Variants in NCKAP5 observed in about 807,000 individuals in gnomAD.
The protein encoded by NCKAP5 is nck-associated protein 5.
NCKAP5 carries 92 observed loss-of-function variants against 167.0 expected under a neutral mutation model. That is an observed-to-expected ratio of 0.55 (90% CI 0.47 to 0.66). NCKAP5 has a LOEUF of 0.66. Among genes scored for constraint, NCKAP5 ranks in the 30% least tolerant of loss-of-function variants. NCKAP5 has a pLI of 0.00. For missense variants in NCKAP5, 2,378 were observed against 2,315.0 expected (o/e 1.03, Z -0.56); for synonymous variants, 891 against 877.4 (o/e 1.02, Z -0.27).
rs527804891 is a variant in NCKAP5, at chr2:133,007,863, G to C, written c.342-13624C>G. Among the ~76,000 whole-genome samples the C allele has an allele frequency of 1.3e-4, 20 of 152,276 alleles. No individual in the cohort carries two copies. The South Asian group carries it at 3.9e-3, about 30-fold the overall frequency. The stretch of plus-strand genomic sequence containing the variant: ...AAAGATAAACTGGAGAATGTAGTAT[G>C]GATTTTCACTGCCTCATTCAACAGC... On this transcript the variant is annotated intron_variant, in intron 6 of 19. Transcript: ENST00000409261.
At chr2:132,793,515 T>C (rs1200843126) in intron 12 of NCKAP5, among the ~76,000 whole-genome samples, 3 of 152,220 alleles carry the variant, frequency 2.0e-5, no homozygotes, top group African/African-American at 7.2e-5. Context: ...CTGAGATGTA[T>C]GTAGTATTTT....
At chr2:133,216,091 T>C (rs555696810) in intron 4 of NCKAP5, among the ~76,000 whole-genome samples, 38 of 152,126 alleles carry the variant, frequency 2.5e-4, no homozygotes, top group African/African-American at 8.4e-4. Context: ...CTAAGAAGGA[T>C]TAAAGGAGAC....
rs1264185155 is a variant in NCKAP5 at position 132,673,185 on chromosome 2, A to C, written c.*104T>G. On this transcript the variant is annotated 3_prime_UTR_variant, in exon 20 of 20. Transcript: ENST00000409261. ...TTCTGTCCTTCAACCTTGTTCAGAG[A>C]GTTCTTCTCTTTTTCTAATAAAATC... is the stretch of plus-strand genomic sequence containing the variant. The C allele has an allele frequency of 1.4e-5, 19 of 1,404,962 alleles. No individual in the cohort carries two copies. Among genetic ancestry groups the C allele is most frequent in the Non-Finnish European group, 1.7e-5 (18 of 1,081,690 alleles). The allele number at this position is 1,404,962 out of a possible 1,614,324, so 87.0% of individuals were successfully genotyped here.
chr2:133,184,252 T>C (rs2084851621), intron 5 of NCKAP5, among the ~76,000 whole-genome samples: 2 of 152,202 alleles, frequency 1.3e-5, no homozygotes, highest in East Asian at 3.8e-4. Flanking sequence ...TAGTTTATGA[T>C]AATGGCCTCC....
At chr2:133,560,703 G>A (rs1374036574) in intron 1 of NCKAP5, among the ~76,000 whole-genome samples, 1 of 152,160 alleles carries the variant, frequency 6.6e-6, no homozygotes, top group Non-Finnish European at 1.5e-5. Context: ...TGGAGAACAT[G>A]ACACGCTCTC....
chr2:133,388,163 T>C (rs7369112), intron 3 of NCKAP5, among the ~76,000 whole-genome samples: 81,188 of 149,808 alleles, frequency 0.54, 22,067 homozygotes, highest in African/African-American at 0.68. Context: ...TTTTCCCCAT[T>C]TTTGTGGTTT....
intron 6 of NCKAP5, among the ~76,000 whole-genome samples, chr2:133,033,884 A>C (rs535356868): frequency 1.3e-5 from 2 of 152,274 alleles, no homozygotes; most frequent in East Asian, 3.9e-4. Flanking sequence ...AAATAGCCTC[A>C]AAAGAACAAA....
At chr2:133,212,044 T>C (rs920059927) in intron 5 of NCKAP5, among the ~76,000 whole-genome samples, 3 of 152,248 alleles carry the variant, frequency 2.0e-5, no homozygotes, top group African/African-American at 7.2e-5. Context: ...AAGAGATTCA[T>C]ATCACGAAAA....
At chr2:133,324,337 C>A (rs1393382082) in intron 3 of NCKAP5, among the ~76,000 whole-genome samples, 1 of 152,180 alleles carries the variant, frequency 6.6e-6, no homozygotes, top group African/African-American at 2.4e-5. Context: ...AACTGACTCA[C>A]TGAGAAAACA....
chr2:132,726,567 A>G (rs1190488726), intron 18 of NCKAP5, among the ~76,000 whole-genome samples: 3 of 152,162 alleles, frequency 2.0e-5, no homozygotes, highest in Non-Finnish European at 4.4e-5. Context: ...GTCCTGTTAG[A>G]GCCTATTATT....
At chr2:133,019,010 A>C (rs2078437573) in intron 6 of NCKAP5, among the ~76,000 whole-genome samples, 1 of 152,204 alleles carries the variant, frequency 6.6e-6, no homozygotes, top group African/African-American at 2.4e-5. Context: ...TTGGATGGAA[A>C]CCATATTAAT....
intron 3 of NCKAP5, among the ~76,000 whole-genome samples, chr2:133,375,755 C>T (rs1686099900): frequency 6.6e-6 from 1 of 152,246 alleles, no homozygotes; most frequent in East Asian, 1.9e-4. Context: ...CATCCATGTC[C>T]CTACAAAGGA....
chr2:133,059,187 C>A (rs1445955465), intron 6 of NCKAP5, among the ~76,000 whole-genome samples: 1 of 152,022 alleles, frequency 6.6e-6, no homozygotes. Flanking sequence ...GTAGTCCCAG[C>A]TACTCAGGAG....
At chr2:133,234,406 G>A (rs951387768) in intron 4 of NCKAP5, among the ~76,000 whole-genome samples, 1 of 152,114 alleles carries the variant, frequency 6.6e-6, no homozygotes, top group African/African-American at 2.4e-5. Context: ...GTACTAGTGT[G>A]CTATTCTGCC....
At chr2:133,122,485 T>C (rs2082280651) in intron 6 of NCKAP5, 1 of 152,244 alleles carries the variant, frequency 6.6e-6, no homozygotes, top group Admixed American at 6.5e-5. Flanking sequence ...AAGTTATCTC[T>C]GTTTAGACTT....
chr2:133,432,626 TC>T (rs1344216922), intron 3 of NCKAP5, among the ~76,000 whole-genome samples: 1 of 152,142 alleles, frequency 6.6e-6, no homozygotes, highest in African/African-American at 2.4e-5. Flanking sequence ...TACCTGGCCG[TC>T]AGGGTAGCAT....
chr2:133,456,003 G>A (rs779321855), intron 3 of NCKAP5, among the ~76,000 whole-genome samples: 2 of 152,088 alleles, frequency 1.3e-5, no homozygotes, highest in Non-Finnish European at 2.9e-5. Context: ...ATAAACATCC[G>A]GGCTCTGTAT....
intron 8 of NCKAP5, among the ~76,000 whole-genome samples, chr2:132,945,596 T>C (rs567694489): frequency 2.0e-4 from 31 of 152,208 alleles, no homozygotes; most frequent in African/African-American, 7.0e-4. Context: ...CCTTAATGGG[T>C]CACTTCTCTT....
At chr2:132,691,468 C>T (rs77056009) in intron 19 of NCKAP5, among the ~76,000 whole-genome samples, 9 of 152,164 alleles carry the variant, frequency 5.9e-5, no homozygotes, top group East Asian at 3.8e-4. Context: ...TCCAGGGACA[C>T]GTCACACATA....
Sources: gnomAD v4.1 joint callset for allele counts (sites outside exome capture counted in the v4.1 genomes callset) on GRCh38, gnomAD v4.1.1 for gene constraint, MANE v1.5 for transcripts, NCBI Gene and HGNC (gene_info 2026-07-23, HGNC 2026-07-21) for gene names.